The following ENTPD1 variants were observed in gnomAD, a reference collection of about 807,000 sequenced individuals.
The protein encoded by ENTPD1 is ectonucleoside triphosphate diphosphohydrolase 1.
A neutral mutation model predicts 57.0 loss-of-function variants in ENTPD1; 33 were observed. The ratio of observed to expected loss-of-function variants is 0.58; its 90% CI spans 0.44 to 0.77. ENTPD1 has a LOEUF of 0.77. Among genes scored for constraint, ENTPD1 ranks in the 30% least tolerant of loss-of-function variants. The pLI, the probability that ENTPD1 is intolerant of heterozygous loss-of-function variation, is 0.00. For synonymous variants in ENTPD1, 202 were observed against 218.8 expected (o/e 0.92, Z 0.68); for missense variants, 501 against 603.4 (o/e 0.83, Z 1.78).
At chr10:95,697,812 C>A in the ENTPD1 span, among the ~76,000 whole-genome samples, 4 of 152,138 alleles carry the variant, frequency 2.6e-5, no homozygotes, top group African/African-American at 9.7e-5. Flanking sequence ...TTCAGGCATT[C>A]TGTTATAAGC....
At chr10:95,702,251 C>T in the ENTPD1 span, among the ~76,000 whole-genome samples, 127,623 of 151,814 alleles carry the variant, frequency 0.84, 54,198 homozygotes, top group Non-Finnish European at 0.91. Context: ...GATTAATATA[C>T]ATTCAGTAAA....
rs539175834 is a variant in ENTPD1, at chr10:95,867,443, A to G, written c.*1060A>G. 3.0e-6 allele frequency: 3 copies of G among 985,418 alleles called. No individual in the cohort carries two copies. The highest frequency in any genetic ancestry group is 1.7e-5 in the African/African-American group (1 of 57,358). The allele number at this position is 985,418 out of a possible 1,614,324, so 61.0% of individuals were successfully genotyped here. A position where few individuals can be genotyped will look rare whatever the true frequency, so the allele number is the denominator to read the frequency against. ...ACCAACTGTACCATAAAGATAGTTC[A>G]CTGAGTTTTAAAGCCAAGCCACATC... is the stretch of plus-strand genomic sequence containing the variant. On this transcript the variant is annotated 3_prime_UTR_variant, in exon 10 of 10. Coordinates refer to ENST00000371205, the MANE Select transcript of ENTPD1 (RefSeq NM_001776.6).
upstream of ENTPD1, among the ~76,000 whole-genome samples, chr10:95,707,631 G>A (rs1388744267): frequency 2.0e-5 from 3 of 152,314 alleles, no homozygotes; most frequent in African/African-American, 7.2e-5. Context: ...TTGAGACAGA[G>A]TCTTGCTCTG....
At chr10:95,768,320 G>C (rs2098099008) in intron 1 of ENTPD1, among the ~76,000 whole-genome samples, 1 of 152,172 alleles carries the variant, frequency 6.6e-6, no homozygotes, top group Admixed American at 6.5e-5. Context: ...TTAGGAGCAA[G>C]AAAGATTTCT....
At chr10:95,761,008 T>G (rs962392508) in intron 1 of ENTPD1, among the ~76,000 whole-genome samples, 2 of 151,802 alleles carry the variant, frequency 1.3e-5, no homozygotes, top group Admixed American at 1.3e-4. Context: ...TTTTTGTAAT[T>G]TTTAGTAGAG....
intron 1 of ENTPD1, among the ~76,000 whole-genome samples, chr10:95,765,115 T>G (rs981613613): frequency 2.0e-5 from 3 of 152,200 alleles, no homozygotes; most frequent in African/African-American, 7.2e-5. Flanking sequence ...TTTCCAAAAA[T>G]TTTCTCCCAT....
chr10:95,817,122 AC>A (rs1566189667), intron 1 of ENTPD1, among the ~76,000 whole-genome samples: 1 of 152,142 alleles, frequency 6.6e-6, no homozygotes, highest in Non-Finnish European at 1.5e-5. Flanking sequence ...AGTTTGACTA[AC>A]TGCTGATGGA....
At chr10:95,756,098 C>A (rs2139925805), upstream of ENTPD1, 1 of 1,522,150 alleles carries the variant, frequency 6.6e-7, no homozygotes, top group South Asian at 1.3e-5. Context: ...ACGGGGCCGG[C>A]TAATTTAGCC....
At chr10:95,768,720 A>G (rs1290909228) in intron 1 of ENTPD1, among the ~76,000 whole-genome samples, 1 of 152,158 alleles carries the variant, frequency 6.6e-6, no homozygotes, top group Non-Finnish European at 1.5e-5. Flanking sequence ...ATCCTCTTGT[A>G]CAGAGTTCAA....
chr10:95,816,303 A>G (rs2098329898), intron 1 of ENTPD1, among the ~76,000 whole-genome samples: 1 of 152,208 alleles, frequency 6.6e-6, no homozygotes, highest in African/African-American at 2.4e-5. Flanking sequence ...ATGTCTGTCT[A>G]ACTACATGTA....
intron 1 of ENTPD1, among the ~76,000 whole-genome samples, chr10:95,736,739 T>G (rs74625351): frequency 2.0e-4 from 30 of 152,262 alleles, no homozygotes; most frequent in African/African-American, 7.2e-4. Flanking sequence ...TGTGCTTCAT[T>G]TATGCACATC....
In ENTPD1 at chr10:95,872,816, T is replaced by C; in HGVS notation, c.*6433T>C. 1.0e-6 allele frequency: 1 copy of C among 985,440 alleles called. No individual in the cohort carries two copies. Among genetic ancestry groups the C allele is most frequent in the Non-Finnish European group, 1.2e-6 (1 of 829,934 alleles). 61.0% of individuals were successfully genotyped at this position (985,440 alleles called of 1,614,324 possible). ...TCTCTTGATGTAACCATCTTCTTTC[T>C]CCAGGTTTTAAGAACCAGCCCAACT... On this transcript the variant is annotated 3_prime_UTR_variant, in exon 10 of 10. Coordinates refer to ENST00000371205, the MANE Select transcript of ENTPD1 (RefSeq NM_001776.6).
chr10:95,873,466 T>C lies in ENTPD1; in HGVS notation c.*7083T>C. On this transcript the variant is annotated 3_prime_UTR_variant, in exon 10 of 10. Coordinates refer to ENST00000371205, the MANE Select transcript of ENTPD1 (RefSeq NM_001776.6). ...GCTTAAGAGGGATTTCTTCCAGCTCTCTTGCCCTGGTCTTCAGTGTATTAG... is the reference window on the plus strand; with the variant it reads ...GCTTAAGAGGGATTTCTTCCAGCTCCCTTGCCCTGGTCTTCAGTGTATTAG... The C allele has an allele frequency of 1.0e-6, 1 of 985,536 alleles. No homozygotes were observed. Among genetic ancestry groups the C allele is most frequent in the Non-Finnish European group, 1.2e-6 (1 of 830,010 alleles). The allele number at this position is 985,536 out of a possible 1,614,324, so 61.0% of individuals were successfully genotyped here.
At chr10:95,840,834 A>C (rs1049035087) in intron 3 of ENTPD1, among the ~76,000 whole-genome samples, 1 of 152,068 alleles carries the variant, frequency 6.6e-6, no homozygotes, top group African/African-American at 2.4e-5. Flanking sequence ...CCCACTGTTT[A>C]TTTTTAGTCA....
chr10:95,696,372 C>G, the ENTPD1 span, among the ~76,000 whole-genome samples: 1 of 152,134 alleles, frequency 6.6e-6, no homozygotes, highest in East Asian at 1.9e-4. Flanking sequence ...CCTCCACCTC[C>G]CAGGTTCAAG....
At chr10:95,785,553 A>G (rs2098176205) in intron 1 of ENTPD1, among the ~76,000 whole-genome samples, 1 of 152,228 alleles carries the variant, frequency 6.6e-6, no homozygotes. Context: ...CCAACCCAGC[A>G]ACTTATGAAG....
In ENTPD1 at chr10:95,844,514, T is replaced by C. The variant is rs752554114; in HGVS notation, c.452T>C (p.Val151Ala). 1 of 1,614,090 alleles carries C rather than the reference T, an allele frequency of 6.2e-7. No individual in the cohort carries two copies. The highest frequency in any genetic ancestry group is 1.3e-5 in the African/African-American group (1 of 74,938). Residue 151 changes from valine to alanine, a missense_variant, in exon 5 of 10, where the codon GTG becomes GCG. Physicochemically the swap from Val to Ala is moderately conservative, Grantham distance 64. Transcript: ENST00000371205. Reference sequence around the variant, plus strand: ...GAGTTGGCAGACAGGGTTCTGGATGTGGTGGAGAGGAGCCTCAGCAACTAC... The same window carrying C: ...GAGTTGGCAGACAGGGTTCTGGATGCGGTGGAGAGGAGCCTCAGCAACTAC... ...SEELADRVLDVVERSLSNYPF... is the reference protein window; with the variant it reads ...SEELADRVLDAVERSLSNYPF...
intron 7 of ENTPD1, among the ~76,000 whole-genome samples, chr10:95,853,421 A>C (rs1013681863): frequency 6.6e-6 from 1 of 152,038 alleles, no homozygotes; most frequent in Non-Finnish European, 1.5e-5. Flanking sequence ...AATGCCCTTT[A>C]TTTCCTTCTC....
intron 1 of ENTPD1, among the ~76,000 whole-genome samples, chr10:95,819,880 C>T (rs1270157864): frequency 2.0e-5 from 3 of 152,204 alleles, no homozygotes; most frequent in African/African-American, 7.2e-5. Flanking sequence ...TTTCGAAATA[C>T]CATTTCACAT....
Sources: allele counts gnomAD v4.1 joint callset (sites outside exome capture counted in the v4.1 genomes callset), GRCh38; gene constraint gnomAD v4.1.1; transcripts MANE v1.5; gene names NCBI Gene and HGNC (gene_info 2026-07-23, HGNC 2026-07-21).